The following DPP10 variants were observed in gnomAD, a reference collection of about 807,000 sequenced individuals.
DPP10 encodes inactive dipeptidyl peptidase 10.
Under a neutral mutation model 120.9 loss-of-function variants are expected in DPP10, and 33 were observed. That is an observed-to-expected ratio of 0.27 (90% CI 0.21 to 0.37). The LOEUF (loss-of-function observed/expected upper bound fraction) is 0.37. Ranked by LOEUF, DPP10 falls within the 10% of genes least tolerant of loss-of-function variation. The probability of loss-of-function intolerance (pLI) is 1.00; values close to 1 mark genes in which losing one functional copy is unlikely to be tolerated. For synonymous variants in DPP10, 337 were observed against 326.1 expected, an observed-to-expected ratio of 1.03 and a Z score of -0.36; for missense variants, 816 against 942.8, an observed-to-expected ratio of 0.87 and a Z score of 1.76.
chr2:115,217,234 T>C (rs970813060), intron 1 of DPP10, among the ~76,000 whole-genome samples: 15 of 152,230 alleles, frequency 9.9e-5, no homozygotes, highest in African/African-American at 3.6e-4. Context: ...AATTATCTAA[T>C]GGCTTTAAAT....
chr2:114,893,209 T>A (rs1324058511), intron 1 of DPP10, among the ~76,000 whole-genome samples: 3 of 152,204 alleles, frequency 2.0e-5, no homozygotes, highest in African/African-American at 7.2e-5. Context: ...AATCTTACAG[T>A]ACACTAATGT....
Position 115,059,455 on chromosome 2 carries a change from T to C in DPP10, c.61-249784T>C, listed in dbSNP as rs566420893. On this transcript the variant is annotated intron_variant, in intron 1 of 25. Coordinates refer to ENST00000410059, the MANE Select transcript of DPP10 (RefSeq NM_020868.6). The stretch of plus-strand genomic sequence containing the variant: ...CAGGCTCCGTCACTCCTAGGACAAG[T>C]GCTTTGTGTGGCAGAGCTGTGTCCA... 5.3e-5 allele frequency among the ~76,000 whole-genome samples: 8 copies of C among 151,342 alleles called. No homozygotes were observed. In the South Asian group the frequency reaches 1.5e-3, roughly 28 times the overall value.
Position 114,482,055 on chromosome 2 carries a change from G to T in DPP10, c.60+39217G>T, listed in dbSNP as rs201872898. On this transcript the variant is annotated intron_variant, in intron 1 of 25. Transcript: ENST00000410059. ...ACTTTTAAACCACCAGATCTCATGAGAACTCTAGCATGAGAACAGCATGGC... is the reference window on the plus strand; with the variant it reads ...ACTTTTAAACCACCAGATCTCATGATAACTCTAGCATGAGAACAGCATGGC... Among the ~76,000 whole-genome samples the T allele has an allele frequency of 3.0e-5, 4 of 131,494 alleles. No homozygotes were observed. In the East Asian group the frequency reaches 7.7e-4, roughly 25 times the overall value. 86.3% of individuals were successfully genotyped at this position (131,494 alleles called of 152,430 possible).
intron 1 of DPP10, among the ~76,000 whole-genome samples, chr2:114,662,311 G>A (rs909025165): frequency 6.6e-6 from 1 of 152,162 alleles, no homozygotes; most frequent in African/African-American, 2.4e-5. Context: ...AAATCTCCTC[G>A]GCACGCGGGC....
intron 1 of DPP10, among the ~76,000 whole-genome samples, chr2:115,045,080 A>G (rs1045319076): frequency 2.8e-4 from 43 of 152,354 alleles, no homozygotes; most frequent in Middle Eastern, 3.4e-3. Flanking sequence ...CAATAAATAC[A>G]GAGTGCAGAT....
At chr2:114,851,698 A>G (rs1688955647) in intron 1 of DPP10, among the ~76,000 whole-genome samples, 1 of 152,178 alleles carries the variant, frequency 6.6e-6, no homozygotes, top group Non-Finnish European at 1.5e-5. Flanking sequence ...TATTGCTTCA[A>G]CCAACATTAA....
intron 1 of DPP10, among the ~76,000 whole-genome samples, chr2:115,217,661 T>C (rs994086397): frequency 6.6e-5 from 10 of 152,228 alleles, no homozygotes; most frequent in African/African-American, 2.2e-4. Flanking sequence ...CATCACCTGT[T>C]CTAAAGCATC....
chr2:115,645,948 G>C (rs1575427498), intron 5 of DPP10, among the ~76,000 whole-genome samples: 1 of 152,282 alleles, frequency 6.6e-6, no homozygotes, highest in East Asian at 1.9e-4. Flanking sequence ...AGACAGGAAA[G>C]ACAGAAGAGT....
intron 1 of DPP10, among the ~76,000 whole-genome samples, chr2:114,572,714 C>A (rs1336766339): frequency 6.6e-6 from 1 of 152,172 alleles, no homozygotes; most frequent in African/African-American, 2.4e-5. Context: ...TGTGGAGAGG[C>A]TACATGTGCC....
chr2:114,654,595 TA>T (rs111985076), intron 1 of DPP10, among the ~76,000 whole-genome samples: 2 of 152,162 alleles, frequency 1.3e-5, no homozygotes, highest in Non-Finnish European at 2.9e-5. Context: ...AGATATACTT[TA>T]AAAAAATCAA....
intron 3 of DPP10, among the ~76,000 whole-genome samples, chr2:115,417,987 T>C (rs2069584727): frequency 6.6e-6 from 1 of 152,192 alleles, no homozygotes; most frequent in African/African-American, 2.4e-5. Flanking sequence ...CCCCAATATG[T>C]GTGAGTTGGC....
intron 17 of DPP10, among the ~76,000 whole-genome samples, chr2:115,785,355 G>T (rs967509173): frequency 1.3e-5 from 2 of 152,294 alleles, no homozygotes; most frequent in Admixed American, 1.3e-4. Flanking sequence ...CTCATAGAAT[G>T]AGTTGGGTAG....
chr2:114,963,656 G>T (rs6740064), intron 1 of DPP10, among the ~76,000 whole-genome samples: 40,328 of 151,954 alleles, frequency 0.27, 5,348 homozygotes, highest in Middle Eastern at 0.39. Flanking sequence ...AGAAAATACT[G>T]CCTTAGGCTG....
chr2:115,721,634 G>T (rs1430538685), intron 7 of DPP10, among the ~76,000 whole-genome samples: 5 of 152,016 alleles, frequency 3.3e-5, no homozygotes, highest in Non-Finnish European at 7.4e-5. Flanking sequence ...TGGAGAAATT[G>T]GAACTCTCAT....
At chr2:114,826,703 G>A (rs1686573370) in intron 1 of DPP10, among the ~76,000 whole-genome samples, 1 of 151,986 alleles carries the variant, frequency 6.6e-6, no homozygotes, top group Non-Finnish European at 1.5e-5. Context: ...GCTAATTTTT[G>A]TATTTTTAGT....
At chr2:115,701,266 AAAG>A (rs1459298569) in intron 7 of DPP10, among the ~76,000 whole-genome samples, 3 of 152,132 alleles carry the variant, frequency 2.0e-5, no homozygotes, top group African/African-American at 7.2e-5. Flanking sequence ...GACCAATGGA[AAAG>A]AAGAGAGAGT....
At chr2:114,715,298 C>A (rs1701278033) in intron 1 of DPP10, among the ~76,000 whole-genome samples, 1 of 152,070 alleles carries the variant, frequency 6.6e-6, no homozygotes, top group Non-Finnish European at 1.5e-5. Flanking sequence ...CCTCAACTTT[C>A]TTTTGAATGA....
chr2:114,709,931 A>C (rs960163798), intron 1 of DPP10, among the ~76,000 whole-genome samples: 1 of 152,242 alleles, frequency 6.6e-6, no homozygotes, highest in Non-Finnish European at 1.5e-5. Flanking sequence ...TTTCATGCAG[A>C]GAAAGAAAGA....
chr2:115,523,601 A>G (rs1285037261), intron 4 of DPP10, among the ~76,000 whole-genome samples: 1 of 152,066 alleles, frequency 6.6e-6, no homozygotes, highest in Admixed American at 6.6e-5. Context: ...ACAGCGTACC[A>G]TTTCATACTG....
Sources: allele counts gnomAD v4.1 joint callset (sites outside exome capture counted in the v4.1 genomes callset), GRCh38; gene constraint gnomAD v4.1.1; transcripts MANE v1.5; gene names NCBI Gene and HGNC (gene_info 2026-07-23, HGNC 2026-07-21).